The following STOX1 variants were observed in gnomAD, a reference collection of about 807,000 sequenced individuals.
The protein encoded by STOX1 is storkhead-box protein 1.
A neutral mutation model predicts 74.8 loss-of-function variants in STOX1; 57 were observed. The ratio of observed to expected loss-of-function variants is 0.76; its 90% CI spans 0.62 to 0.95. The LOEUF is 0.95. STOX1 is among the 40% of genes least tolerant of loss of function. The pLI, the probability that STOX1 is intolerant of heterozygous loss-of-function variation, is 0.00. For synonymous variants in STOX1, 375 were observed against 401.3 expected (o/e 0.93, Z 0.78); for missense variants, 1,010 against 1,117.0 (o/e 0.90, Z 1.37).
At chr10:68,871,316 C>T (rs573777098) in intron 1 of STOX1, among the ~76,000 whole-genome samples, 1 of 152,222 alleles carries the variant, frequency 6.6e-6, no homozygotes, top group South Asian at 2.1e-4. Context: ...TATCAGTGTG[C>T]TGACAACCAA....
chr10:68,849,651 C>T (rs1007154284), intron 1 of STOX1, among the ~76,000 whole-genome samples: 2 of 152,024 alleles, frequency 1.3e-5, no homozygotes, highest in African/African-American at 4.8e-5. Context: ...AAGGCCTCTC[C>T]CATCTGATTG....
At chr10:68,845,271 ATTTTTTT>A (rs999265975) in intron 1 of STOX1, among the ~76,000 whole-genome samples, 1 of 121,926 alleles carries the variant, frequency 8.2e-6, no homozygotes, top group Non-Finnish European at 1.7e-5. Context: ...CAGCTGGCTA[ATTTTTTT>A]TTTTTTTTTT....
At chr10:68,858,971 T>C (rs202094781) in intron 1 of STOX1, among the ~76,000 whole-genome samples, 1 of 152,106 alleles carries the variant, frequency 6.6e-6, no homozygotes, top group African/African-American at 2.4e-5. Context: ...CCACAAAGCC[T>C]GGGAGTGGGA....
In STOX1 at chr10:68,844,574, T is replaced by C. The variant is rs1456252514; in HGVS notation, c.310+16641T>C. ...TCAGCCTCCCAAAGCACTGCGATTA[T>C]AGGCATGAGCCACCATGCCTCGCCT... On this transcript the variant is annotated intron_variant, in intron 1 of 3. Transcript: ENST00000298596. Among the ~76,000 whole-genome samples, 3 of 152,064 alleles carry C rather than the reference T, an allele frequency of 2.0e-5. No homozygotes were observed. The East Asian group carries it at 5.8e-4, about 30-fold the overall frequency.
At chr10:68,891,757 G>A (rs1166658757) in intron 3 of STOX1, among the ~76,000 whole-genome samples, 1 of 150,940 alleles carries the variant, frequency 6.6e-6, no homozygotes, top group African/African-American at 2.4e-5. Context: ...GGCCAAGACT[G>A]CACCATTGCA....
intron 1 of STOX1, among the ~76,000 whole-genome samples, chr10:68,876,072 T>G (rs1180028556): frequency 6.6e-6 from 1 of 151,262 alleles, no homozygotes; most frequent in African/African-American, 2.4e-5. Flanking sequence ...TTGACTTTTT[T>G]TTTTTGTGGC....
At chr10:68,892,184 G>A (rs1029297154) in intron 3 of STOX1, among the ~76,000 whole-genome samples, 4 of 151,984 alleles carry the variant, frequency 2.6e-5, no homozygotes, top group Non-Finnish European at 5.9e-5. Context: ...TTCTAGAAAA[G>A]AACATTGTAA....
Position 68,886,625 on chromosome 10 carries a change from C to T in STOX1, c.2822+7C>T. ...GTGGAATAGATTCTCCACGGTAGGTCCATACAAAAGTGTCTGATTTAGGCC... is the reference window on the plus strand; with the variant it reads ...GTGGAATAGATTCTCCACGGTAGGTTCATACAAAAGTGTCTGATTTAGGCC... On this transcript the variant is annotated splice_region_variant and intron_variant, in intron 3 of 3. Transcript: ENST00000298596. 1.9e-6 allele frequency: 3 copies of T among 1,613,296 alleles called. No homozygotes were observed. Among genetic ancestry groups the T allele is most frequent in the Non-Finnish European group, 2.5e-6 (3 of 1,179,718 alleles).
intron 3 of STOX1, among the ~76,000 whole-genome samples, chr10:68,890,703 T>G (rs1327317607): frequency 6.7e-5 from 10 of 149,298 alleles, no homozygotes; most frequent in Admixed American, 6.1e-4. Flanking sequence ...CAGGCTGCAG[T>G]GCAGTAGCGC....
intron 1 of STOX1, among the ~76,000 whole-genome samples, chr10:68,867,177 C>T (rs1840431411): frequency 6.6e-6 from 1 of 151,942 alleles, no homozygotes; most frequent in Non-Finnish European, 1.5e-5. Flanking sequence ...AATCTCCTGA[C>T]CTCGTGATCC....
chr10:68,830,449 T>A (rs909992612), intron 1 of STOX1, among the ~76,000 whole-genome samples: 1 of 152,140 alleles, frequency 6.6e-6, no homozygotes, highest in Non-Finnish European at 1.5e-5. Flanking sequence ...TTCAAGTGCT[T>A]CTCCTGCCTC....
chr10:68,880,836 G>GGAGCCCGCCACC (rs373731652), intron 1 of STOX1, among the ~76,000 whole-genome samples: 1 of 152,058 alleles, frequency 6.6e-6, no homozygotes, highest in African/African-American at 2.4e-5. Context: ...TGGGATTACA[G>GGAGCCCGCCACC]GAGCCCGCCA....
chr10:68,849,333 T>C (rs60472244), intron 1 of STOX1, among the ~76,000 whole-genome samples: 7 of 152,192 alleles, frequency 4.6e-5, no homozygotes, highest in African/African-American at 9.7e-5. Flanking sequence ...CATGCTGTGA[T>C]GTACTGTTCT....
Position 68,884,536 on chromosome 10 carries a change from T to C in STOX1, c.740T>C (p.Phe247Ser). 1 of 1,613,778 alleles carries C rather than the reference T, an allele frequency of 6.2e-7. No individual in the cohort carries two copies. The highest frequency in any genetic ancestry group is 8.5e-7 in the Non-Finnish European group (1 of 1,180,024). ...PISHCQSCQC[F>S]RDMHTQDVQE... ...TCCCACTGTCAGTCTTGCCAGTGTT[T>C]CCGGGACATGCACACTCAGGATGTT... The change falls in exon 3 of 4, where the codon TTC (phenylalanine) becomes TCC (serine). Residue 247 changes from phenylalanine to serine, a missense_variant. By Grantham distance (155) the Phe-to-Ser change is radical (BLOSUM62 -2). Transcript: ENST00000298596.
chr10:68,886,031 T>G lies in STOX1; in HGVS notation c.2235T>G (p.Asn745Lys). ...TAGAGGAGGATGACATTTCTGAGAA[T>G]GACGACTTACGTCAAATGCTGCCTG... ...LYLEEDDISE[N>K]DDLRQMLPGH... Residue 745 changes from asparagine to lysine, a missense_variant, in exon 3 of 4, where the codon AAT (asparagine) becomes AAG (lysine). Asn to Lys is a moderately conservative substitution (Grantham distance 94, BLOSUM62 0). Transcript: ENST00000298596. 6.2e-7 allele frequency: 1 copy of G among 1,614,236 alleles called. No individual in the cohort carries two copies. The highest frequency in any genetic ancestry group is 8.5e-7 in the Non-Finnish European group (1 of 1,180,050).
intron 2 of STOX1, among the ~76,000 whole-genome samples, chr10:68,883,116 G>T (rs1489450711): frequency 6.6e-6 from 1 of 151,644 alleles, no homozygotes; most frequent in East Asian, 2.0e-4. Context: ...GGTGGCTCAC[G>T]CCTGTAATCC....
At position 68,859,729 on chromosome 10, in the gene STOX1, T is replaced by G. The variant is rs1029942487; in HGVS notation, c.311-22229T>G. On this transcript the variant is annotated intron_variant, in intron 1 of 3. Coordinates refer to ENST00000298596, the MANE Select transcript of STOX1 (RefSeq NM_152709.5). Reference sequence around the variant, plus strand: ...TGTAGAAAGTCTTCTAAAAATGACTTGAACAAATGAGGGACAGATTCCAAC... The same window carrying G: ...TGTAGAAAGTCTTCTAAAAATGACTGGAACAAATGAGGGACAGATTCCAAC... Among the ~76,000 whole-genome samples the G allele has an allele frequency of 2.0e-5, 3 of 151,882 alleles. No homozygotes were observed. The South Asian group carries it at 6.2e-4, about 32-fold the overall frequency.
chr10:68,864,532 T>C (rs1840354225), intron 1 of STOX1, among the ~76,000 whole-genome samples: 2 of 152,220 alleles, frequency 1.3e-5, no homozygotes, highest in South Asian at 4.1e-4. Flanking sequence ...ATCATATCCA[T>C]GTAATTTAAC....
At chr10:68,849,556 G>A (rs1423452574) in intron 1 of STOX1, among the ~76,000 whole-genome samples, 1 of 152,118 alleles carries the variant, frequency 6.6e-6, no homozygotes, top group African/African-American at 2.4e-5. Context: ...TGTGGAAGGA[G>A]CCCTCAACCA....
Sources: gnomAD v4.1 joint callset for allele counts (sites outside exome capture counted in the v4.1 genomes callset) on GRCh38, gnomAD v4.1.1 for gene constraint, MANE v1.5 for transcripts, NCBI Gene and HGNC (gene_info 2026-07-23, HGNC 2026-07-21) for gene names.